The following PAK1 variants were observed in gnomAD, a reference collection of about 807,000 sequenced individuals.
PAK1 encodes the protein p21 (RAC1) activated kinase 1, also known as serine/threonine-protein kinase PAK 1.
Under a neutral mutation model 67.4 loss-of-function variants are expected in PAK1, and 29 were observed. That is an observed-to-expected ratio of 0.43 (90% confidence interval 0.32 to 0.59). The LOEUF (loss-of-function observed/expected upper bound fraction) is 0.59. Among genes scored for constraint, PAK1 ranks in the 20% least tolerant of loss-of-function variants. The pLI is 0.07. For synonymous variants in PAK1, 223 were observed against 237.4 expected, an observed-to-expected ratio of 0.94 and a Z score of 0.56; for missense variants, 337 against 670.7, an observed-to-expected ratio of 0.50 and a Z score of 5.50.
At chr11:77,356,614 A>G (rs1946074315) in intron 6 of PAK1, among the ~76,000 whole-genome samples, 1 of 152,180 alleles carries the variant, frequency 6.6e-6, no homozygotes, top group Non-Finnish European at 1.5e-5. Flanking sequence ...CTGTAGGAGT[A>G]AACTGATTAA....
chr11:77,440,373 A>G (rs556276924), intron 1 of PAK1, among the ~76,000 whole-genome samples: 1 of 152,280 alleles, frequency 6.6e-6, no homozygotes, highest in African/African-American at 2.4e-5. Context: ...CCCATCTCTA[A>G]AAATAAAAAA....
chr11:77,460,311 G>GT (rs1167582325), intron 1 of PAK1, among the ~76,000 whole-genome samples: 3 of 142,410 alleles, frequency 2.1e-5, no homozygotes, highest in Non-Finnish European at 4.6e-5. Context: ...TGGCTATAAG[G>GT]TTTTTTGTTT....
intron 1 of PAK1, among the ~76,000 whole-genome samples, chr11:77,439,849 G>A (rs549949180): frequency 1.3e-5 from 2 of 152,316 alleles, no homozygotes; most frequent in South Asian, 4.1e-4. Context: ...TCAGGAGAGT[G>A]GGAAGGTATA....
At chr11:77,441,694 C>T (rs1377706974) in intron 1 of PAK1, among the ~76,000 whole-genome samples, 1 of 152,198 alleles carries the variant, frequency 6.6e-6, no homozygotes, top group Non-Finnish European at 1.5e-5. Context: ...AAAGCAAGAA[C>T]TCAAACCCAG....
chr11:77,405,336 CTGATT>C (rs1020283054), intron 1 of PAK1, among the ~76,000 whole-genome samples: 7 of 152,108 alleles, frequency 4.6e-5, no homozygotes, highest in Admixed American at 2.6e-4. Flanking sequence ...GAGCACTGAT[CTGATT>C]TATGTTTTTA....
rs2135926498 is a variant in PAK1, at chr11:77,322,334, CTCTT to C, written c.*936_*939del. On this transcript the variant is annotated 3_prime_UTR_variant, in exon 15 of 15. Coordinates refer to ENST00000356341, the MANE Select transcript of PAK1 (RefSeq NM_002576.5). ...TAACATGCAGTCTCTAATTTGGAGA[CTCTT>C]TATTGTGACCAAAAGATTTGGACCA... The C allele has an allele frequency of 5.1e-6, 1 of 195,472 alleles. No individual in the cohort carries two copies. The highest frequency in any genetic ancestry group is 8.0e-5 in the East Asian group (1 of 12,460). 12.1% of individuals were successfully genotyped at this position (195,472 alleles called of 1,614,324 possible). A position where few individuals can be genotyped will look rare whatever the true frequency, so the allele number is the denominator to read the frequency against.
intron 1 of PAK1, among the ~76,000 whole-genome samples, chr11:77,418,204 C>G (rs988705360): frequency 2.0e-5 from 3 of 152,178 alleles, no homozygotes; most frequent in Non-Finnish European, 2.9e-5. Context: ...ATTACTCTGA[C>G]AAATTGCTAT....
chr11:77,462,256 G>C (rs139930460), intron 1 of PAK1, among the ~76,000 whole-genome samples: 3 of 151,778 alleles, frequency 2.0e-5, no homozygotes, highest in African/African-American at 4.8e-5. Context: ...GCGTGAACCC[G>C]GGAGGCGGAG....
At chr11:77,406,706 G>C (rs559928239) in intron 1 of PAK1, among the ~76,000 whole-genome samples, 2 of 152,136 alleles carry the variant, frequency 1.3e-5, no homozygotes, top group Non-Finnish European at 2.9e-5. Flanking sequence ...TGAGCCAAAA[G>C]GTCAAGACTG....
At position 77,322,649 on chromosome 11, in the gene PAK1, A is replaced by G; in HGVS notation, c.*625T>C. 4.3e-6 allele frequency: 1 copy of G among 231,378 alleles called. No homozygotes were observed. The highest frequency in any genetic ancestry group is 8.7e-6 in the Non-Finnish European group (1 of 114,732). The allele number at this position is 231,378 out of a possible 1,614,324, so 14.3% of individuals were successfully genotyped here. On this transcript the variant is annotated 3_prime_UTR_variant, in exon 15 of 15. Coordinates refer to ENST00000356341, the MANE Select transcript of PAK1 (RefSeq NM_002576.5). ...GCATTTCACAAGAAACAGCATGGGA[A>G]CACTATTGGGTCAAGGTCCTCCCGA...
the PAK1 span, among the ~76,000 whole-genome samples, chr11:77,504,330 G>A: frequency 6.7e-6 from 1 of 149,434 alleles, no homozygotes; most frequent in African/African-American, 2.5e-5. Context: ...TTATATTTTT[G>A]TAATCTCTTT....
intron 10 of PAK1, among the ~76,000 whole-genome samples, chr11:77,342,925 A>T (rs556696): frequency 0.7 from 105,507 of 150,826 alleles, 37,781 homozygotes; most frequent in African/African-American, 0.85. Context: ...GAACATGATA[A>T]AATAGAAAGG....
the PAK1 span, among the ~76,000 whole-genome samples, chr11:77,528,225 T>C: frequency 6.6e-6 from 1 of 152,132 alleles, no homozygotes; most frequent in Non-Finnish European, 1.5e-5. Context: ...TAAGAAAACA[T>C]AGCCACAATA....
At chr11:77,528,328 C>CT in the PAK1 span, among the ~76,000 whole-genome samples, 205 of 147,104 alleles carry the variant, frequency 1.4e-3, no homozygotes, top group Middle Eastern at 6.9e-3. Flanking sequence ...CAAAAAATAA[C>CT]TTTTTTTTTT....
At chr11:77,517,096 C>T in the PAK1 span, among the ~76,000 whole-genome samples, 1 of 152,104 alleles carries the variant, frequency 6.6e-6, no homozygotes, top group Non-Finnish European at 1.5e-5. Flanking sequence ...GATGAATCTT[C>T]CTTCAGGCAT....
chr11:77,518,720 C>T, the PAK1 span, among the ~76,000 whole-genome samples: 1 of 152,156 alleles, frequency 6.6e-6, no homozygotes, highest in Non-Finnish European at 1.5e-5. Context: ...ATCGTGGCAG[C>T]TGACAGCTAA....
At chr11:77,327,921 A>G (rs1222095147) in intron 14 of PAK1, among the ~76,000 whole-genome samples, 2 of 152,206 alleles carry the variant, frequency 1.3e-5, no homozygotes, top group East Asian at 3.8e-4. Flanking sequence ...ATAGGCTCAA[A>G]ATAAAGGGAT....
chr11:77,337,556 T>C (rs2136196561), intron 11 of PAK1, 133 bp from the exon 12 acceptor site: 1 of 475,980 alleles, frequency 2.1e-6, no homozygotes, highest in East Asian at 3.3e-5. Context: ...TAAAAGGACT[T>C]GCCCCAAATC....
intron 5 of PAK1, among the ~76,000 whole-genome samples, chr11:77,366,229 C>G (rs2729753): frequency 0.44 from 67,481 of 152,028 alleles, 16,820 homozygotes; most frequent in African/African-American, 0.68. Flanking sequence ...CAGACTGAAA[C>G]GAAGTAATAC....
Sources: allele counts gnomAD v4.1 joint callset (sites outside exome capture counted in the v4.1 genomes callset), GRCh38; gene constraint gnomAD v4.1.1; transcripts MANE v1.5; gene names NCBI Gene and HGNC (gene_info 2026-07-23, HGNC 2026-07-21).